CACNA1D: variants seen among roughly 807,000 people sequenced by gnomAD.
CACNA1D encodes calcium voltage-gated channel subunit alpha1 D, also known as voltage-dependent L-type calcium channel subunit alpha-1D.
Under a neutral mutation model 257.1 loss-of-function variants are expected in CACNA1D, and 55 were observed. That is an observed-to-expected ratio of 0.21 (90% CI 0.17 to 0.27). The LOEUF (loss-of-function observed/expected upper bound fraction) is 0.27. CACNA1D is among the 10% of genes least tolerant of loss of function. The probability of loss-of-function intolerance (pLI) is 1.00; values close to 1 mark genes in which losing one functional copy is unlikely to be tolerated. For missense variants in CACNA1D, 1,876 were observed against 2,784.0 expected (o/e 0.67, Z 7.34); for synonymous variants, 980 against 1,014.9 (o/e 0.97, Z 0.65).
At position 53,795,546 on chromosome 3, in the gene CACNA1D, T is replaced by C. The variant is rs1055122140; in HGVS notation, c.4924-4703T>C. ...TAATTTAACCACATGGGAATAACTT[T>C]GGCTCTCCCTTCCTCCCAGAATCTA... On this transcript the variant is annotated intron_variant, in intron 40 of 47. Coordinates refer to ENST00000350061, the MANE Select transcript of CACNA1D (RefSeq NM_001128840.3). 3.3e-5 allele frequency among the ~76,000 whole-genome samples: 5 copies of C among 152,220 alleles called. No individual in the cohort carries two copies. The East Asian group carries it at 9.6e-4, about 29-fold the overall frequency.
At chr3:53,530,439 C>G (rs1201690952) in intron 3 of CACNA1D, 1 of 152,174 alleles carries the variant, frequency 6.6e-6, no homozygotes, top group Non-Finnish European at 1.5e-5. Flanking sequence ...CGTCTTTATC[C>G]CCTGGAATCT....
At chr3:53,785,242 C>T (rs115610184) in intron 39 of CACNA1D, among the ~76,000 whole-genome samples, 2 of 152,254 alleles carry the variant, frequency 1.3e-5, no homozygotes, top group East Asian at 1.9e-4. Context: ...TTAGACAAGC[C>T]GAGACAGATT....
chr3:53,802,214 G>A, intron 43 of CACNA1D, 41 bp downstream of exon 43: 4 of 1,498,364 alleles, frequency 2.7e-6, no homozygotes, highest in Middle Eastern at 1.7e-4. Context: ...ATACTGTGAT[G>A]GTATGTTACC....
intron 5 of CACNA1D, among the ~76,000 whole-genome samples, chr3:53,662,929 G>T (rs948394024): frequency 6.6e-6 from 1 of 152,196 alleles, no homozygotes; most frequent in South Asian, 2.1e-4. Context: ...CCAAAACAAT[G>T]ATAGAAACCT....
At chr3:53,801,888 T>G (rs2095538079) in intron 42 of CACNA1D, among the ~76,000 whole-genome samples, 1 of 152,216 alleles carries the variant, frequency 6.6e-6, no homozygotes, top group African/African-American at 2.4e-5. Context: ...GTCACTGAAA[T>G]TTGAACTTCA....
At chr3:53,784,652 G>A (rs771625566) in intron 39 of CACNA1D, among the ~76,000 whole-genome samples, 3 of 152,262 alleles carry the variant, frequency 2.0e-5, no homozygotes, top group South Asian at 2.1e-4. Flanking sequence ...GAGCCAGGGC[G>A]TTTTCTGGGC....
intron 15 of CACNA1D, 113 bp downstream of exon 15, chr3:53,727,112 A>G: frequency 2.4e-6 from 3 of 1,246,340 alleles, no homozygotes; most frequent in Non-Finnish European, 3.5e-6. Flanking sequence ...CAGGGAGGTA[A>G]ATGCCTTTAC....
Position 53,666,512 on chromosome 3 carries a change from G to T in CACNA1D, c.1093G>T (p.Gly365Cys). ...TGTGTTTCAGTGCATCACCATGGAG[G>T]GCTGGACAGATGTGCTCTACTGGGT... is the stretch of plus-strand genomic sequence containing the variant. ...LTVFQCITME[G>C]WTDVLYWMND... The change falls in exon 7 of 48, where the codon GGC becomes TGC. Residue 365 changes from glycine to cysteine, a missense_variant. This residue lies in a region of CACNA1D where 188 missense variants were observed against 390.4 expected (regional missense o/e 0.48). Coordinates refer to ENST00000350061, the MANE Select transcript of CACNA1D (RefSeq NM_001128840.3). The T allele has an allele frequency of 6.2e-7, 1 of 1,614,094 alleles. No individual in the cohort carries two copies. Among genetic ancestry groups the T allele is most frequent in the Non-Finnish European group, 8.5e-7 (1 of 1,179,950 alleles).
chr3:53,642,436 T>G (rs144573895), intron 3 of CACNA1D, among the ~76,000 whole-genome samples: 4 of 152,330 alleles, frequency 2.6e-5, no homozygotes, highest in African/African-American at 9.6e-5. Flanking sequence ...CAACTCTTAT[T>G]GCCCCTGGGA....
chr3:53,658,356 G>C (rs1317923062), intron 4 of CACNA1D, among the ~76,000 whole-genome samples: 1 of 152,192 alleles, frequency 6.6e-6, no homozygotes, highest in Non-Finnish European at 1.5e-5. Context: ...TAACTCTTAG[G>C]AGTGGAAACC....
At chr3:53,805,756 C>CTCCTCCCTCATCTTCCCTCT (rs1273130023) in intron 45 of CACNA1D, among the ~76,000 whole-genome samples, 21 of 146,652 alleles carry the variant, frequency 1.4e-4, no homozygotes, top group Non-Finnish European at 2.4e-4. Flanking sequence ...ATCTTCCCTC[C>CTCCTCCCTCATCTTCCCTCT]TCCTCCCTCA....
At chr3:53,649,050 G>C (rs1456996440) in intron 3 of CACNA1D, among the ~76,000 whole-genome samples, 1 of 152,184 alleles carries the variant, frequency 6.6e-6, no homozygotes, top group African/African-American at 2.4e-5. Flanking sequence ...GTGGTCAAGA[G>C]GGAGGATACC....
intron 8 of CACNA1D, among the ~76,000 whole-genome samples, chr3:53,682,543 T>A (rs2094442547): frequency 7.0e-6 from 1 of 141,962 alleles, no homozygotes; most frequent in Admixed American, 7.2e-5. Context: ...GGGAGCAGAG[T>A]GAGACCCTGT....
chr3:53,559,957 T>C (rs974348311), intron 3 of CACNA1D, among the ~76,000 whole-genome samples: 7 of 149,116 alleles, frequency 4.7e-5, no homozygotes, highest in African/African-American at 1.5e-4. Flanking sequence ...CTGCTCCGCC[T>C]GTGCTGCTGC....
chr3:53,684,644 A>G (rs1467621605), intron 8 of CACNA1D, among the ~76,000 whole-genome samples: 28 of 145,318 alleles, frequency 1.9e-4, no homozygotes, highest in Non-Finnish European at 3.3e-4. Context: ...AAAAAAAAAA[A>G]GCATCAAAAT....
chr3:53,578,487 C>T (rs983244595), intron 3 of CACNA1D, among the ~76,000 whole-genome samples: 5 of 152,148 alleles, frequency 3.3e-5, no homozygotes, highest in African/African-American at 1.2e-4. Context: ...CATGGGTGCC[C>T]AGCCGAAAGT....
chr3:53,697,350 T>C (rs1417891144), intron 8 of CACNA1D, among the ~76,000 whole-genome samples: 1 of 152,196 alleles, frequency 6.6e-6, no homozygotes, highest in East Asian at 1.9e-4. Flanking sequence ...GATACAATTT[T>C]TTGTACATAG....
At chr3:53,645,111 G>A (rs926319688) in intron 3 of CACNA1D, among the ~76,000 whole-genome samples, 1 of 152,124 alleles carries the variant, frequency 6.6e-6, no homozygotes, top group African/African-American at 2.4e-5. Flanking sequence ...TTGGCTATTT[G>A]TATGTCTTCT....
chr3:53,682,422 T>C (rs1430080571), intron 8 of CACNA1D, among the ~76,000 whole-genome samples: 1 of 128,460 alleles, frequency 7.8e-6, no homozygotes, highest in Non-Finnish European at 1.6e-5. Flanking sequence ...CTGGGCAATG[T>C]GGTGTGTGCC....
Sources: allele counts gnomAD v4.1 joint callset (sites outside exome capture counted in the v4.1 genomes callset), GRCh38; gene constraint gnomAD v4.1.1; regional missense constraint gnomAD v4.1.1; transcripts MANE v1.5; gene names NCBI Gene and HGNC (gene_info 2026-07-23, HGNC 2026-07-21).